Variants in ZFHX3 observed in about 807,000 individuals in gnomAD.
The protein encoded by ZFHX3 is zinc finger homeobox 3, also known as zinc finger homeobox protein 3.
A neutral mutation model predicts 279.1 loss-of-function variants in ZFHX3; 42 were observed. That is an observed-to-expected ratio of 0.15 (90% CI 0.12 to 0.19). ZFHX3 has a LOEUF of 0.19. ZFHX3 is among the 10% of genes least tolerant of loss of function. The pLI is 1.00. For missense variants in ZFHX3, 4,981 were observed against 4,754.0 expected, an observed-to-expected ratio of 1.05 and a Z score of -1.40; for synonymous variants, 2,293 against 1,957.8, an observed-to-expected ratio of 1.17 and a Z score of -4.52.
chr16:73,331,356 A>T (rs1040390471), intron 3 of ZFHX3, among the ~76,000 whole-genome samples: 1 of 152,222 alleles, frequency 6.6e-6, no homozygotes, highest in Admixed American at 6.5e-5. Context: ...AAACCATATC[A>T]GCAGCATTTG....
chr16:72,957,527 G>T lies in ZFHX3; in HGVS notation c.2619C>A (p.Pro873=). 6.2e-7 allele frequency: 1 copy of T among 1,614,202 alleles called. No homozygotes were observed. The highest frequency in any genetic ancestry group is 8.5e-7 in the Non-Finnish European group (1 of 1,180,050). ...QYYLAQNMNL[P]NLKMDSAASD... ...AGGCAGCACTGTCCATCTTCAGGTT[G>T]GGCAGGTTCATGTTCTGGGCCAGGT... The change falls in exon 2 of 10, where the codon CCC becomes CCA. Residue 873 remains proline (P), a synonymous_variant. Transcript: ENST00000268489.
rs774104412 is a variant in ZFHX3, at chr16:72,793,321, T to C, written c.9361A>G (p.Ile3121Val). The change falls in exon 9 of 10, where the codon ATT (isoleucine) becomes GTT (valine). Residue 3121 changes from isoleucine to valine, a missense_variant. Ile to Val is a conservative substitution (Grantham distance 29). Coordinates refer to ENST00000268489, the MANE Select transcript of ZFHX3 (RefSeq NM_006885.4). The surrounding 1 kb of genome is among the most constrained non-coding windows in gnomAD (Gnocchi z 4.3). Reference protein sequence around the residue: ...LPTAYPALQGIPPVLLPGLNS... With the variant: ...LPTAYPALQGVPPVLLPGLNS... Reference sequence around the variant, plus strand: ...AGGCCCGGGAGCAACACAGGAGGAATGCCCTGGAGCGCTGGATATGCTGTA... The same window carrying C: ...AGGCCCGGGAGCAACACAGGAGGAACGCCCTGGAGCGCTGGATATGCTGTA... 1.2e-6 allele frequency: 2 copies of C among 1,614,146 alleles called. No homozygotes were observed. Among genetic ancestry groups the C allele is most frequent in the South Asian group, 2.2e-5 (2 of 91,086 alleles).
intron 2 of ZFHX3, among the ~76,000 whole-genome samples, chr16:73,489,985 C>T (rs1251817179): frequency 6.6e-6 from 1 of 152,060 alleles, no homozygotes; most frequent in Non-Finnish European, 1.5e-5. Flanking sequence ...ATATGAAAAA[C>T]ATCAAATCAA....
chr16:72,880,095 G>C (rs553583726), intron 4 of ZFHX3, among the ~76,000 whole-genome samples: 2 of 152,254 alleles, frequency 1.3e-5, no homozygotes, highest in East Asian at 3.9e-4. Flanking sequence ...CGTGTGCTGC[G>C]AGCAGGAAAC....
chr16:72,813,730 C>G (rs930518385), intron 5 of ZFHX3, among the ~76,000 whole-genome samples: 2 of 152,180 alleles, frequency 1.3e-5, no homozygotes, highest in Non-Finnish European at 2.9e-5. Flanking sequence ...TTCATTTTCA[C>G]TTGAAAGGTA....
Position 73,224,238 on chromosome 16 carries a change from C to T in ZFHX3, c.-1104+32809G>A, listed in dbSNP as rs1421305073. Among the ~76,000 whole-genome samples the T allele has an allele frequency of 1.3e-5, 2 of 152,048 alleles. 1 individual carries two copies. The highest frequency in any genetic ancestry group is 4.2e-4 in the South Asian group (2 of 4,818). Reference sequence around the variant, plus strand: ...GTTGTAAGAAATGTGTCCTTCTGGTCGTGGATATTAATAATGGCAGAGACA... The same window carrying T: ...GTTGTAAGAAATGTGTCCTTCTGGTTGTGGATATTAATAATGGCAGAGACA... On this transcript the variant is annotated intron_variant, in intron 5 of 17. Coordinates refer to the ZFHX3 transcript ENST00000641206.
intron 3 of ZFHX3, among the ~76,000 whole-genome samples, chr16:73,397,780 T>C (rs2017159367): frequency 7.0e-6 from 1 of 143,734 alleles, no homozygotes; most frequent in Admixed American, 6.9e-5. Flanking sequence ...GTGGTATTTG[T>C]TAAGCTGGGC....
chr16:73,390,507 C>A (rs192831351), intron 3 of ZFHX3, among the ~76,000 whole-genome samples: 13 of 152,220 alleles, frequency 8.5e-5, no homozygotes, highest in African/African-American at 2.9e-4. Context: ...GGGATTCCAC[C>A]GGAAATCTGG....
intron 2 of ZFHX3, among the ~76,000 whole-genome samples, chr16:73,458,645 C>T (rs894866104): frequency 6.6e-6 from 1 of 152,056 alleles, no homozygotes; most frequent in Non-Finnish European, 1.5e-5. Context: ...TCTTTAGACC[C>T]CTGCTTTTTG....
At chr16:72,933,808 ACTTT>A (rs1470017313) in intron 3 of ZFHX3, among the ~76,000 whole-genome samples, 2 of 130,212 alleles carry the variant, frequency 1.5e-5, no homozygotes, top group Non-Finnish European at 1.7e-5. Flanking sequence ...TTAGCTCACA[ACTTT>A]CTTTTTTTTT....
intron 7 of ZFHX3, among the ~76,000 whole-genome samples, chr16:73,130,600 C>A (rs576285510): frequency 5.3e-5 from 8 of 152,124 alleles, no homozygotes; most frequent in Non-Finnish European, 1.0e-4. Flanking sequence ...AAAATAACAA[C>A]AAAACAAAAC....
chr16:73,216,910 T>C (rs1442786764), intron 5 of ZFHX3, among the ~76,000 whole-genome samples: 1 of 152,146 alleles, frequency 6.6e-6, no homozygotes, highest in African/African-American at 2.4e-5. Flanking sequence ...AGGAGACAGA[T>C]AGTGGTGCAA....
intron 2 of ZFHX3, among the ~76,000 whole-genome samples, chr16:72,957,070 T>C (rs188453174): frequency 6.6e-6 from 1 of 152,176 alleles, no homozygotes; most frequent in Non-Finnish European, 1.5e-5. Flanking sequence ...TAAGTTTCAG[T>C]AAATATTCGA....
chr16:73,103,027 C>T (rs994256651), intron 7 of ZFHX3, among the ~76,000 whole-genome samples: 3 of 152,028 alleles, frequency 2.0e-5, no homozygotes, highest in African/African-American at 4.8e-5. Flanking sequence ...CAGGTTGGAT[C>T]GATTCTCCTG....
chr16:73,763,734 G>A (rs776335965), intron 1 of ZFHX3, among the ~76,000 whole-genome samples: 1 of 152,114 alleles, frequency 6.6e-6, no homozygotes, highest in Non-Finnish European at 1.5e-5. Flanking sequence ...CTCTCAGCAG[G>A]TGGCTTTAAT....
rs545157509 is a variant in ZFHX3, at chr16:72,934,107, C to T, written c.3216+16362G>A. On this transcript the variant is annotated intron_variant, in intron 3 of 9. Transcript: ENST00000268489. ...TGCTAGGATTACAGAGGTTAGCCACCACGCCCGGCCACAGCTTTCTTTTAA... is the reference window on the plus strand; with the variant it reads ...TGCTAGGATTACAGAGGTTAGCCACTACGCCCGGCCACAGCTTTCTTTTAA... 5.3e-5 allele frequency among the ~76,000 whole-genome samples: 8 copies of T among 152,272 alleles called. No homozygotes were observed. The South Asian group carries it at 1.4e-3, about 28-fold the overall frequency.
At chr16:73,049,585 A>AATTT (rs572302071), upstream of ZFHX3, among the ~76,000 whole-genome samples, 73 of 152,204 alleles carry the variant, frequency 4.8e-4, no homozygotes, top group South Asian at 3.9e-3. Context: ...ATTCTGGGGA[A>AATTT]ATTTATTTAT....
At chr16:73,316,194 A>C (rs551221827) in intron 4 of ZFHX3, among the ~76,000 whole-genome samples, 1 of 152,330 alleles carries the variant, frequency 6.6e-6, no homozygotes, top group Admixed American at 6.5e-5. Flanking sequence ...TCCCCATTGC[A>C]TATCTCTATC....
chr16:73,045,909 A>G (rs1041480066), intron 1 of ZFHX3, among the ~76,000 whole-genome samples: 3 of 151,948 alleles, frequency 2.0e-5, no homozygotes, highest in African/African-American at 4.8e-5. Context: ...TTTAAAGTCT[A>G]AAAGTGCTCG....
Sources: allele counts gnomAD v4.1 joint callset (sites outside exome capture counted in the v4.1 genomes callset), GRCh38; gene constraint gnomAD v4.1.1; non-coding constraint Gnocchi (gnomAD v3.1); transcripts MANE v1.5; gene names NCBI Gene and HGNC (gene_info 2026-07-23, HGNC 2026-07-21).